The following FYN variants were observed in gnomAD, a reference collection of about 807,000 sequenced individuals.
FYN encodes the protein FYN proto-oncogene, Src family tyrosine kinase.
FYN carries 10 observed loss-of-function variants against 70.2 expected under a neutral mutation model. The observed-to-expected ratio is 0.14, with a 90% CI of 0.09 to 0.24. The LOEUF (loss-of-function observed/expected upper bound fraction) is 0.24. FYN is among the 10% of genes least tolerant of loss of function. The pLI is 1.00. For synonymous variants in FYN, 236 were observed against 248.6 expected, an observed-to-expected ratio of 0.95 and a Z score of 0.48; for missense variants, 319 against 673.1, an observed-to-expected ratio of 0.47 and a Z score of 5.82.
Position 111,873,428 on chromosome 6 carries a change from T to A in FYN, c.-583A>T, listed in dbSNP as rs911477679. On this transcript the variant is annotated 5_prime_UTR_variant, in exon 1 of 14. Coordinates refer to ENST00000354650, the MANE Select transcript of FYN (RefSeq NM_002037.5). Reference sequence around the variant, plus strand: ...GCGCCGCCGCCACCAGCGCGGCTGCTCGCTGCTACTCTTGCTGATGCTCTG... The same window carrying A: ...GCGCCGCCGCCACCAGCGCGGCTGCACGCTGCTACTCTTGCTGATGCTCTG... 1 of 151,792 alleles carries A rather than the reference T, an allele frequency of 6.6e-6. No homozygotes were observed. The highest frequency in any genetic ancestry group is 1.5e-5 in the Non-Finnish European group (1 of 67,912). 9.4% of individuals were successfully genotyped at this position (151,792 alleles called of 1,614,324 possible).
intron 12 of FYN, among the ~76,000 whole-genome samples, chr6:111,682,619 C>T (rs1583300809): frequency 6.6e-6 from 1 of 152,210 alleles, no homozygotes; most frequent in South Asian, 2.1e-4. Context: ...GGAGTGGATG[C>T]TCTTCAGTGA....
Position 111,833,379 on chromosome 6 carries a change from G to A in FYN, c.-82+13210C>T, listed in dbSNP as rs549225341. Among the ~76,000 whole-genome samples, 8 of 152,300 alleles carry A rather than the reference G, an allele frequency of 5.3e-5. 1 individual carries two copies. Among genetic ancestry groups the A allele is most frequent in the Admixed American group, 2.0e-4 (3 of 15,300 alleles). On this transcript the variant is annotated intron_variant, in intron 2 of 13. Coordinates refer to ENST00000354650, the MANE Select transcript of FYN (RefSeq NM_002037.5). ...CTCCAAAATATCTGTGTGCCTCTGC[G>A]TAGATATCTGTTTTAAAAGCTTTAT... is the stretch of plus-strand genomic sequence containing the variant.
chr6:111,707,269 A>G (rs897030659), intron 6 of FYN, among the ~76,000 whole-genome samples: 4 of 151,760 alleles, frequency 2.6e-5, no homozygotes, highest in Non-Finnish European at 5.9e-5. Flanking sequence ...ATGGGTCAGA[A>G]GAAGGGAGAA....
intron 3 of FYN, among the ~76,000 whole-genome samples, chr6:111,767,585 A>G (rs1363856252): frequency 1.3e-5 from 2 of 152,138 alleles, no homozygotes; most frequent in East Asian, 1.9e-4. Context: ...TATTTTTAGT[A>G]GAGATGGGGT....
At chr6:111,677,503 G>A (rs1262119379) in intron 12 of FYN, among the ~76,000 whole-genome samples, 1 of 152,156 alleles carries the variant, frequency 6.6e-6, no homozygotes, top group Non-Finnish European at 1.5e-5. Flanking sequence ...TTTTTGGCAG[G>A]TGTCTTTAAA....
chr6:111,721,182 G>A (rs1800919255), intron 3 of FYN, among the ~76,000 whole-genome samples: 1 of 152,138 alleles, frequency 6.6e-6, no homozygotes, highest in Non-Finnish European at 1.5e-5. Flanking sequence ...CTTCCAGGCT[G>A]GGTTGTGCTT....
intron 12 of FYN, among the ~76,000 whole-genome samples, chr6:111,679,289 T>TA (rs879591498): frequency 4.6e-5 from 7 of 152,264 alleles, no homozygotes; most frequent in Non-Finnish European, 5.9e-5. Context: ...GTAGGTTTCC[T>TA]ACTTCTATGC....
intron 1 of FYN, among the ~76,000 whole-genome samples, chr6:111,863,421 C>T (rs1774019325): frequency 6.6e-6 from 1 of 152,162 alleles, no homozygotes; most frequent in Non-Finnish European, 1.5e-5. Context: ...ATAGACATGA[C>T]ATTTGTGTGG....
chr6:111,673,617 TC>T (rs1798394686), intron 13 of FYN, among the ~76,000 whole-genome samples: 1 of 137,002 alleles, frequency 7.3e-6, no homozygotes, highest in Non-Finnish European at 1.5e-5. Context: ...ATCGTTTCTA[TC>T]ATTGTTTTTT....
intron 3 of FYN, among the ~76,000 whole-genome samples, chr6:111,733,815 C>T (rs923971862): frequency 2.0e-5 from 3 of 152,150 alleles, no homozygotes; most frequent in African/African-American, 4.8e-5. Flanking sequence ...AAGCCAGGCA[C>T]GGTGGCTCAT....
At chr6:111,867,313 G>T (rs1318525835) in intron 1 of FYN, among the ~76,000 whole-genome samples, 3 of 151,976 alleles carry the variant, frequency 2.0e-5, no homozygotes, top group Non-Finnish European at 4.4e-5. Flanking sequence ...TAATTAGCCG[G>T]GTGTGGCGTT....
At chr6:111,711,898 A>C (rs1162848062) in intron 5 of FYN, among the ~76,000 whole-genome samples, 1 of 152,220 alleles carries the variant, frequency 6.6e-6, no homozygotes, top group African/African-American at 2.4e-5. Flanking sequence ...TTAAAATTCC[A>C]CTGATATGGA....
At chr6:111,859,189 C>A (rs1203515874) in intron 1 of FYN, among the ~76,000 whole-genome samples, 1 of 152,322 alleles carries the variant, frequency 6.6e-6, no homozygotes, top group African/African-American at 2.4e-5. Flanking sequence ...GCTCACGCCC[C>A]TTCCAGCCTG....
At chr6:111,662,853 C>T (rs765244532) in intron 13 of FYN, among the ~76,000 whole-genome samples, 30 of 152,154 alleles carry the variant, frequency 2.0e-4, no homozygotes, top group South Asian at 4.1e-4. Flanking sequence ...AGACCATGTC[C>T]GGGGCCTATC....
intron 2 of FYN, among the ~76,000 whole-genome samples, chr6:111,819,280 T>C (rs1023274733): frequency 6.6e-6 from 1 of 152,170 alleles, no homozygotes; most frequent in Non-Finnish European, 1.5e-5. Context: ...TTAGTGCAGA[T>C]AAAATAAAAC....
chr6:111,742,967 CTTT>C (rs111682950), intron 3 of FYN, among the ~76,000 whole-genome samples: 13 of 139,186 alleles, frequency 9.3e-5, no homozygotes, highest in Admixed American at 2.9e-4. Context: ...TGATAAGAAT[CTTT>C]TTTTTTTTTT....
chr6:111,735,654 G>T (rs1184038165), intron 3 of FYN, among the ~76,000 whole-genome samples: 3 of 151,958 alleles, frequency 2.0e-5, no homozygotes, highest in East Asian at 3.8e-4. Flanking sequence ...AGAGAAGCAT[G>T]GGGGGGTGCC....
chr6:111,835,631 T>C (rs1052114350), intron 2 of FYN, among the ~76,000 whole-genome samples: 2 of 146,448 alleles, frequency 1.4e-5, no homozygotes, highest in South Asian at 2.1e-4. Flanking sequence ...AAACATTTGA[T>C]TTTTTTTTAG....
intron 8 of FYN, among the ~76,000 whole-genome samples, chr6:111,701,104 TA>T (rs954061020): frequency 5.3e-5 from 8 of 152,126 alleles, no homozygotes; most frequent in South Asian, 2.1e-4. Flanking sequence ...GTATTCTTTA[TA>T]AAAAAAAGAA....
Sources: gnomAD v4.1 joint callset for allele counts (sites outside exome capture counted in the v4.1 genomes callset) on GRCh38, gnomAD v4.1.1 for gene constraint, MANE v1.5 for transcripts, NCBI Gene and HGNC (gene_info 2026-07-23, HGNC 2026-07-21) for gene names.